GRAMD1B: variants seen among roughly 807,000 people sequenced by gnomAD.
GRAMD1B encodes the protein protein Aster-B.
A neutral mutation model predicts 99.7 loss-of-function variants in GRAMD1B; 37 were observed. The ratio of observed to expected loss-of-function variants is 0.37; its 90% CI spans 0.29 to 0.49. The LOEUF (loss-of-function observed/expected upper bound fraction) is 0.49. Among genes scored for constraint, GRAMD1B ranks in the 20% least tolerant of loss-of-function variants. The pLI is 0.98. For synonymous variants in GRAMD1B, 427 were observed against 387.6 expected, an observed-to-expected ratio of 1.10 and a Z score of -1.19; for missense variants, 888 against 1,009.2, an observed-to-expected ratio of 0.88 and a Z score of 1.63.
chr11:123,559,936 A>C (rs912605341), intron 2 of GRAMD1B, among the ~76,000 whole-genome samples: 1 of 152,080 alleles, frequency 6.6e-6, no homozygotes, highest in Non-Finnish European at 1.5e-5. Flanking sequence ...GTTTTTATTT[A>C]GTGTCACCTC....
intron 2 of GRAMD1B, among the ~76,000 whole-genome samples, chr11:123,563,049 A>G (rs1481288031): frequency 6.6e-6 from 1 of 152,240 alleles, no homozygotes; most frequent in Non-Finnish European, 1.5e-5. Flanking sequence ...GACTCCGTTC[A>G]GAGGAGAAGG....
intron 1 of GRAMD1B, among the ~76,000 whole-genome samples, chr11:123,470,510 C>CTTTTT (rs61137951): frequency 9.7e-6 from 1 of 102,734 alleles, no homozygotes; most frequent in Admixed American, 1.1e-4. Context: ...TTCTTTCTTT[C>CTTTTT]TTTTTTTTTT....
chr11:123,561,818 C>A (rs1426458958), intron 2 of GRAMD1B, among the ~76,000 whole-genome samples: 4 of 152,070 alleles, frequency 2.6e-5, no homozygotes, highest in African/African-American at 9.7e-5. Context: ...AAGTTTGGAA[C>A]CAAGATGAAA....
chr11:123,430,576 G>C lies in GRAMD1B; in HGVS notation c.-217G>C, dbSNP rs1333939678. On this transcript the variant is annotated 5_prime_UTR_variant, in exon 1 of 20. Transcript: ENST00000635736. Reference sequence around the variant, plus strand: ...GGCCTCGCCGGCGGCTGACGGCCCGGAGGACGCGCGCTCCGAAAAGTTAGA... The same window carrying C: ...GGCCTCGCCGGCGGCTGACGGCCCGCAGGACGCGCGCTCCGAAAAGTTAGA... The C allele has an allele frequency of 4.4e-6, 2 of 455,846 alleles. No homozygotes were observed. The highest frequency in any genetic ancestry group is 7.7e-6 in the Non-Finnish European group (2 of 259,754). The allele number at this position is 455,846 out of a possible 1,614,324, so 28.2% of individuals were successfully genotyped here.
At chr11:123,512,703 C>CTTTTTTT (rs766565214) in intron 2 of GRAMD1B, among the ~76,000 whole-genome samples, 10 of 103,010 alleles carry the variant, frequency 9.7e-5, no homozygotes, top group African/African-American at 2.3e-4. Flanking sequence ...CATTGTGAAT[C>CTTTTTTT]TTTTTTTTTT....
At chr11:123,514,473 C>T (rs957973314) in intron 2 of GRAMD1B, among the ~76,000 whole-genome samples, 4 of 152,140 alleles carry the variant, frequency 2.6e-5, no homozygotes, top group African/African-American at 4.8e-5. Context: ...AATGCAATGT[C>T]TTAGGATTAA....
rs369825461 is a variant in GRAMD1B at position 123,613,473 on chromosome 11, C to T, written c.2042C>T (p.Thr681Met). The change falls in exon 16 of 20, where the codon ACG (threonine) becomes ATG (methionine). Residue 681 changes from threonine to methionine, a missense_variant. Coordinates refer to ENST00000635736, the MANE Select transcript of GRAMD1B (RefSeq NM_001387025.1). ...FRHLESELAK[T>M]ESTYLAEMHR... ...CTGATAGAGAGCGAGCTGGCCAAAA[C>T]GGAGAGCACTTATTTGGCTGAGATG... The T allele has an allele frequency of 7.1e-5, 115 of 1,610,900 alleles. No homozygotes were observed. Among genetic ancestry groups the T allele is most frequent in the African/African-American group, 2.1e-4 (16 of 74,866 alleles).
chr11:123,529,840 C>A (rs967192281), intron 2 of GRAMD1B, among the ~76,000 whole-genome samples: 2 of 152,148 alleles, frequency 1.3e-5, no homozygotes, highest in African/African-American at 4.8e-5. Context: ...TAGGACTAGG[C>A]AGACTGTAGT....
chr11:123,449,714 C>CTTTTTTTTTTTTTTTT lies in GRAMD1B; in HGVS notation c.374+18550_374+18565dup, dbSNP rs767104181. 4.7e-4 allele frequency among the ~76,000 whole-genome samples: 47 copies of CTTTTTTTTTTTTTTTT among 99,954 alleles called. 4 individuals are homozygous for CTTTTTTTTTTTTTTTT. The highest frequency in any genetic ancestry group is 1.1e-3 in the African/African-American group (29 of 25,534). 65.6% of individuals were successfully genotyped at this position (99,954 alleles called of 152,430 possible). A position where few individuals can be genotyped will look rare whatever the true frequency, so the allele number is the denominator to read the frequency against. On this transcript the variant is annotated intron_variant, in intron 1 of 19. Transcript: ENST00000635736. ...TGCAGATGCATGCCACCATGCCTGG[C>CTTTTTTTTTTTTTTTT]TTTTTTTTTTTTTTTTTGAGACAGG...
chr11:123,410,214 AAAAC>A (rs1380144925), intron 1 of GRAMD1B, among the ~76,000 whole-genome samples: 1 of 152,068 alleles, frequency 6.6e-6, no homozygotes, highest in Non-Finnish European at 1.5e-5. Context: ...AACAAAAACA[AAAAC>A]AAAAAAACAG....
intron 1 of GRAMD1B, among the ~76,000 whole-genome samples, chr11:123,478,993 T>A (rs918279421): frequency 1.1e-4 from 17 of 152,206 alleles, no homozygotes; most frequent in Non-Finnish European, 1.6e-4. Flanking sequence ...AGACATCTCA[T>A]GAGTTAACGA....
intron 2 of GRAMD1B, among the ~76,000 whole-genome samples, chr11:123,549,015 CT>C (rs1945340566): frequency 6.6e-6 from 1 of 152,154 alleles, no homozygotes; most frequent in East Asian, 1.9e-4. Flanking sequence ...TGTAGCTGTT[CT>C]TCTCTGAAGA....
intron 1 of GRAMD1B, among the ~76,000 whole-genome samples, chr11:123,368,679 CAAAAA>C (rs58877377): frequency 6.4e-5 from 5 of 78,064 alleles, no homozygotes; most frequent in African/African-American, 2.7e-4. Flanking sequence ...GACTCTGTCT[CAAAAA>C]AAAAAAAAAA....
chr11:123,448,333 A>G (rs559149972), intron 1 of GRAMD1B, among the ~76,000 whole-genome samples: 7 of 151,014 alleles, frequency 4.6e-5, no homozygotes, highest in Non-Finnish European at 1.0e-4. Flanking sequence ...GCTCACTGCA[A>G]CCTTTGCCTC....
chr11:123,596,046 A>G lies in GRAMD1B; in HGVS notation c.969+9A>G, dbSNP rs1214809022. On this transcript the variant is annotated intron_variant, in intron 7 of 19. Coordinates refer to ENST00000635736, the MANE Select transcript of GRAMD1B (RefSeq NM_001387025.1). ...GCACTGATTCAGAAAAGGTAAGTGGAGTCTAACTCTGGCCTTTCTAATCCT... is the reference window on the plus strand; with the variant it reads ...GCACTGATTCAGAAAAGGTAAGTGGGGTCTAACTCTGGCCTTTCTAATCCT... 2 of 1,496,632 alleles carry G rather than the reference A, an allele frequency of 1.3e-6. No homozygotes were observed. Among genetic ancestry groups the G allele is most frequent in the Admixed American group, 3.5e-5 (2 of 57,010 alleles). The allele number at this position is 1,496,632 out of a possible 1,614,324, so 92.7% of individuals were successfully genotyped here.
chr11:123,603,560 G>C lies in GRAMD1B; in HGVS notation c.1166+19G>C, dbSNP rs563869593. 1 of 1,505,572 alleles carries C rather than the reference G, an allele frequency of 6.6e-7. No homozygotes were observed. Among genetic ancestry groups the C allele is most frequent in the Non-Finnish European group, 9.2e-7 (1 of 1,081,090 alleles). The allele number at this position is 1,505,572 out of a possible 1,614,324, so 93.3% of individuals were successfully genotyped here. Reference sequence around the variant, plus strand: ...CAATGGGGTGAGTGAGGCCAAGGGCGGCTGCCCAGAGGCAGCCGTGCGAGT... The same window carrying C: ...CAATGGGGTGAGTGAGGCCAAGGGCCGCTGCCCAGAGGCAGCCGTGCGAGT... On this transcript the variant is annotated intron_variant, in intron 9 of 19. Transcript: ENST00000635736.
chr11:123,387,209 G>C (rs190905937), intron 1 of GRAMD1B, among the ~76,000 whole-genome samples: 1 of 152,336 alleles, frequency 6.6e-6, no homozygotes, highest in Admixed American at 6.5e-5. Flanking sequence ...GGCATTTTAA[G>C]AAGTATCGTC....
chr11:123,450,109 T>C (rs1355594192), intron 1 of GRAMD1B, among the ~76,000 whole-genome samples: 1 of 152,130 alleles, frequency 6.6e-6, no homozygotes, highest in African/African-American at 2.4e-5. Context: ...TTTCCCAAAA[T>C]GAGGTTCCAG....
chr11:123,399,070 C>G (rs1292480198), intron 1 of GRAMD1B, among the ~76,000 whole-genome samples: 2 of 152,170 alleles, frequency 1.3e-5, no homozygotes, highest in Non-Finnish European at 2.9e-5. Flanking sequence ...CTTTGTACAC[C>G]TTGACTTATA....
Sources: allele counts gnomAD v4.1 joint callset (sites outside exome capture counted in the v4.1 genomes callset), GRCh38; gene constraint gnomAD v4.1.1; transcripts MANE v1.5; gene names NCBI Gene and HGNC (gene_info 2026-07-23, HGNC 2026-07-21).